DCUN1D3: variants seen among roughly 807,000 people sequenced by gnomAD.
DCUN1D3 encodes the protein defective in cullin neddylation 1 domain containing 3.
In DCUN1D3, 6 loss-of-function variants were observed where a neutral mutation model predicts 24.8. That is an observed-to-expected ratio of 0.24 (90% CI 0.13 to 0.48). The LOEUF (loss-of-function observed/expected upper bound fraction) is 0.48. Among genes scored for constraint, DCUN1D3 ranks in the 20% least tolerant of loss-of-function variants. DCUN1D3 has a pLI of 0.99. For synonymous variants in DCUN1D3, 120 were observed against 144.9 expected (o/e 0.83, Z 1.24); for missense variants, 258 against 379.4 (o/e 0.68, Z 2.66).
At chr16:20,881,831 C>T (rs2081845249) in intron 1 of DCUN1D3, among the ~76,000 whole-genome samples, 2 of 152,196 alleles carry the variant, frequency 1.3e-5, no homozygotes, top group African/African-American at 4.8e-5. Flanking sequence ...GAGACAGAAT[C>T]TCACTCTGTC....
chr16:20,875,413 T>A (rs1038851869), intron 1 of DCUN1D3, among the ~76,000 whole-genome samples: 2 of 152,234 alleles, frequency 1.3e-5, no homozygotes, highest in Non-Finnish European at 2.9e-5. Flanking sequence ...AGTATAGTCA[T>A]GTGCCTTCCA....
Position 20,859,540 on chromosome 16 carries a change from C to CA in DCUN1D3, c.*345dup, listed in dbSNP as rs61506075. On this transcript the variant is annotated 3_prime_UTR_variant, in exon 3 of 3. Transcript: ENST00000324344. ...CGCCCTGCTCTATGCCCTCCCCTAC[C>CA]AAAAAAAAAAAAAAAAAAACAAAAA... is the stretch of plus-strand genomic sequence containing the variant. The CA allele has an allele frequency of 0.014, 1,027 of 71,218 alleles. 18 individuals are homozygous for CA. Among genetic ancestry groups the CA allele is most frequent in the African/African-American group, 0.026 (412 of 16,004 alleles). The allele number at this position is 71,218 out of a possible 1,614,324, so 4.4% of individuals were successfully genotyped here. A position where few individuals can be genotyped will look rare whatever the true frequency, so the allele number is the denominator to read the frequency against.
chr16:20,862,719 T>G, intron 1 of DCUN1D3, 76 bp from the exon 2 acceptor site: 2 of 1,318,232 alleles, frequency 1.5e-6, no homozygotes, highest in Non-Finnish European at 2.0e-6. Flanking sequence ...GGGTGCACAC[T>G]GGTTCACCGC....
At chr16:20,885,771 G>A (rs892238357) in intron 1 of DCUN1D3, among the ~76,000 whole-genome samples, 3 of 152,146 alleles carry the variant, frequency 2.0e-5, no homozygotes, top group African/African-American at 7.2e-5. Context: ...GCCTGCCTCA[G>A]TGTTTAACAT....
At chr16:20,894,699 C>G (rs556082418) in intron 1 of DCUN1D3, among the ~76,000 whole-genome samples, 1 of 152,348 alleles carries the variant, frequency 6.6e-6, no homozygotes, top group South Asian at 2.1e-4. Context: ...TGCATGCAAC[C>G]AGGCTGGTAT....
intron 1 of DCUN1D3, 79 bp from the exon 2 acceptor site, chr16:20,862,722 T>C (rs1449367153): frequency 7.6e-7 from 1 of 1,317,492 alleles, no homozygotes; most frequent in East Asian, 2.5e-5. Context: ...TGCACACTGG[T>C]TCACCGCTCT....
At chr16:20,893,540 C>T (rs1427545359) in intron 1 of DCUN1D3, among the ~76,000 whole-genome samples, 2 of 152,158 alleles carry the variant, frequency 1.3e-5, no homozygotes, top group Non-Finnish European at 1.5e-5. Flanking sequence ...CTGTTTTCAG[C>T]CTCAGAACAT....
intron 1 of DCUN1D3, among the ~76,000 whole-genome samples, chr16:20,882,090 C>T (rs1354497839): frequency 6.6e-6 from 1 of 151,956 alleles, no homozygotes; most frequent in African/African-American, 2.4e-5. Flanking sequence ...CATGAGCCAC[C>T]GTGCCCGGCC....
rs760147404 is a variant in DCUN1D3 at position 20,862,526 on chromosome 16, C to A, written c.13G>T (p.Val5Phe). The A allele has an allele frequency of 6.2e-7, 1 of 1,602,536 alleles. No homozygotes were observed. Among genetic ancestry groups the A allele is most frequent in the Non-Finnish European group, 8.5e-7 (1 of 1,179,188 alleles). Residue 5 changes from valine to phenylalanine, a missense_variant, in exon 2 of 3, where the codon GTC becomes TTC. Val to Phe is a conservative substitution (Grantham distance 50). Transcript: ENST00000324344. ...GATGAGGGATTCTTACACTTGGTGA[C>A]ACACTGGCCCATGGTGCTGGTGGCC... MGQC[V>F]TKCKNPSSTL...
At chr16:20,899,642 G>A (rs2081951388) in intron 1 of DCUN1D3, among the ~76,000 whole-genome samples, 1 of 152,110 alleles carries the variant, frequency 6.6e-6, no homozygotes, top group Non-Finnish European at 1.5e-5. Flanking sequence ...GTGTGGTGGA[G>A]GAACAAACAA....
chr16:20,864,241 C>A (rs1237931132), intron 1 of DCUN1D3, among the ~76,000 whole-genome samples: 5 of 152,120 alleles, frequency 3.3e-5, no homozygotes, highest in Admixed American at 3.3e-4. Context: ...GCAAACTATG[C>A]ATCTGACAAA....
chr16:20,879,527 A>T (rs2081832377), intron 1 of DCUN1D3, among the ~76,000 whole-genome samples: 2 of 152,238 alleles, frequency 1.3e-5, no homozygotes. Flanking sequence ...TAAACTATTA[A>T]TAAATCACTA....
At chr16:20,891,033 G>T (rs371142308) in intron 1 of DCUN1D3, among the ~76,000 whole-genome samples, 20 of 149,788 alleles carry the variant, frequency 1.3e-4, no homozygotes, top group African/African-American at 4.9e-4. Flanking sequence ...TCACTCTATC[G>T]CCCAGGCTGA....
Position 20,859,948 on chromosome 16 carries a change from C to G in DCUN1D3, c.853G>C (p.Gly285Arg). ...EWEMERRKRE[G>R]EGRGALSSGP... is the part of the protein sequence containing the mutation. Reference sequence around the variant, plus strand: ...GAGCTGAGTGCACCTCTCCCTTCCCCTTCTCTTTTCCTTCGCTCCATTTCC... The same window carrying G: ...GAGCTGAGTGCACCTCTCCCTTCCCGTTCTCTTTTCCTTCGCTCCATTTCC... Residue 285 changes from glycine to arginine, a missense_variant, in exon 3 of 3, where the codon GGG becomes CGG. Physicochemically the swap from Gly to Arg is moderately radical, Grantham distance 125. Transcript: ENST00000324344. 4 of 1,614,214 alleles carry G rather than the reference C, an allele frequency of 2.5e-6. No individual in the cohort carries two copies. The highest frequency in any genetic ancestry group is 3.4e-6 in the Non-Finnish European group (4 of 1,180,034).
intron 1 of DCUN1D3, among the ~76,000 whole-genome samples, chr16:20,882,266 T>G (rs1427243019): frequency 2.6e-5 from 4 of 151,624 alleles, no homozygotes; most frequent in African/African-American, 7.3e-5. Context: ...TTTTTTTTTT[T>G]TTTGAGATAG....
intron 1 of DCUN1D3, among the ~76,000 whole-genome samples, chr16:20,887,537 G>A (rs1186925833): frequency 6.6e-6 from 1 of 152,154 alleles, no homozygotes; most frequent in Non-Finnish European, 1.5e-5. Context: ...TCTGCCCAAG[G>A]AAAAGCAGCA....
At chr16:20,874,804 C>T (rs990574047) in intron 1 of DCUN1D3, among the ~76,000 whole-genome samples, 1 of 152,072 alleles carries the variant, frequency 6.6e-6, no homozygotes, top group African/African-American at 2.4e-5. Flanking sequence ...ACTTGAGGCC[C>T]CAAGGTTTAG....
rs1470321917 is a variant in DCUN1D3 at position 20,857,376 on chromosome 16, G to C, written c.*2510C>G. 1 of 152,212 alleles carries C rather than the reference G, an allele frequency of 6.6e-6. No homozygotes were observed. Among genetic ancestry groups the C allele is most frequent in the Non-Finnish European group, 1.5e-5 (1 of 68,046 alleles). 9.4% of individuals were successfully genotyped at this position (152,212 alleles called of 1,614,324 possible). ...AAAACAACAAAATACATCCACTCTA[G>C]TACATCTAATGCACGGAATGTCTTC... is the stretch of plus-strand genomic sequence containing the variant. On this transcript the variant is annotated 3_prime_UTR_variant, in exon 3 of 3. Coordinates refer to ENST00000324344, the MANE Select transcript of DCUN1D3 (RefSeq NM_173475.4).
At chr16:20,872,686 T>C (rs561117148) in intron 1 of DCUN1D3, among the ~76,000 whole-genome samples, 2 of 152,020 alleles carry the variant, frequency 1.3e-5, no homozygotes, top group African/African-American at 4.8e-5. Context: ...AATTCAAAAG[T>C]ATTACATAAT....
Sources: allele counts gnomAD v4.1 joint callset (sites outside exome capture counted in the v4.1 genomes callset), GRCh38; gene constraint gnomAD v4.1.1; transcripts MANE v1.5; gene names NCBI Gene and HGNC (gene_info 2026-07-23, HGNC 2026-07-21).